MALRD1: variants seen among roughly 807,000 people sequenced by gnomAD.
MALRD1 encodes MAM and LDL receptor class A domain containing 1, also known as MAM and LDL-receptor class A domain-containing protein 1.
Under a neutral mutation model 242.1 loss-of-function variants are expected in MALRD1, and 247 were observed. The ratio of observed to expected loss-of-function variants is 1.02; its 90% CI spans 0.92 to 1.13. MALRD1 has a LOEUF of 1.13. Ranked by LOEUF, MALRD1 falls within the 50% of genes most tolerant of loss-of-function variation. The probability of loss-of-function intolerance (pLI) is 0.00; values close to 1 mark genes in which losing one functional copy is unlikely to be tolerated. For synonymous variants in MALRD1, 995 were observed against 866.6 expected, an observed-to-expected ratio of 1.15 and a Z score of -2.60; for missense variants, 2,989 against 2,533.1, an observed-to-expected ratio of 1.18 and a Z score of -3.86.
At chr10:19,224,374 C>T (rs1837695204) in intron 18 of MALRD1, among the ~76,000 whole-genome samples, 1 of 151,442 alleles carries the variant, frequency 6.6e-6, no homozygotes, top group African/African-American at 2.4e-5. Flanking sequence ...GCAACCTCCA[C>T]CTAATGGGTT....
intron 28 of MALRD1, among the ~76,000 whole-genome samples, chr10:19,395,113 G>A (rs1589016466): frequency 1.3e-5 from 2 of 152,192 alleles, no homozygotes; most frequent in African/African-American, 2.4e-5. Context: ...GCATAGTTTT[G>A]TTATATTGTA....
At chr10:19,243,951 A>T (rs950748623) in intron 18 of MALRD1, among the ~76,000 whole-genome samples, 6 of 152,166 alleles carry the variant, frequency 3.9e-5, no homozygotes, top group African/African-American at 1.4e-4. Context: ...TAAGGATTTG[A>T]GAAGGGAAAT....
intron 29 of MALRD1, among the ~76,000 whole-genome samples, chr10:19,490,516 G>GGA (rs1837441316): frequency 8.5e-6 from 1 of 117,616 alleles, no homozygotes. Flanking sequence ...CGGGGGGGGG[G>GGA]CAGGGTTATG....
chr10:19,497,183 A>G (rs1837757890), intron 30 of MALRD1, among the ~76,000 whole-genome samples: 1 of 152,030 alleles, frequency 6.6e-6, no homozygotes, highest in Non-Finnish European at 1.5e-5. Flanking sequence ...TCTAAAGAAC[A>G]CATGATGACT....
At chr10:19,239,693 G>C (rs1040253136) in intron 18 of MALRD1, among the ~76,000 whole-genome samples, 3 of 152,090 alleles carry the variant, frequency 2.0e-5, no homozygotes, top group African/African-American at 7.2e-5. Flanking sequence ...AAAGATAGGG[G>C]TCTAATTTCA....
chr10:19,289,915 A>G (rs1841324180), intron 21 of MALRD1, among the ~76,000 whole-genome samples: 2 of 152,170 alleles, frequency 1.3e-5, no homozygotes, highest in South Asian at 4.1e-4. Context: ...TCTTGGAGAC[A>G]AAGATTGCTT....
At chr10:19,059,705 T>G (rs528462796) in intron 1 of MALRD1, among the ~76,000 whole-genome samples, 1 of 152,262 alleles carries the variant, frequency 6.6e-6, no homozygotes, top group South Asian at 2.1e-4. Context: ...GCATCTATTT[T>G]TTTTTTATAA....
chr10:19,130,125 A>C (rs189049808), intron 8 of MALRD1, among the ~76,000 whole-genome samples: 8 of 152,148 alleles, frequency 5.3e-5, no homozygotes, highest in Admixed American at 2.0e-4. Context: ...CAATCTATTT[A>C]ATATATTTCA....
At chr10:19,397,871 T>A (rs1474498721) in intron 28 of MALRD1, among the ~76,000 whole-genome samples, 1 of 152,122 alleles carries the variant, frequency 6.6e-6, no homozygotes, top group East Asian at 1.9e-4. Context: ...GTGATATCCA[T>A]CATGGTTTTG....
At chr10:19,554,822 G>A (rs1047552660) in intron 32 of MALRD1, among the ~76,000 whole-genome samples, 4 of 152,040 alleles carry the variant, frequency 2.6e-5, no homozygotes, top group African/African-American at 9.7e-5. Flanking sequence ...GGGCATTTGG[G>A]TTGATTCCAT....
chr10:19,276,568 C>G (rs1840536854), intron 19 of MALRD1, among the ~76,000 whole-genome samples: 1 of 152,092 alleles, frequency 6.6e-6, no homozygotes, highest in African/African-American at 2.4e-5. Context: ...AATTTTTCAT[C>G]AAGGCTAGCG....
At chr10:19,501,178 G>T (rs925504742) in intron 31 of MALRD1, among the ~76,000 whole-genome samples, 1 of 152,144 alleles carries the variant, frequency 6.6e-6, no homozygotes, top group African/African-American at 2.4e-5. Flanking sequence ...AGGAAAGAAT[G>T]TTCCAGAGCT....
At position 19,477,091 on chromosome 10, in the gene MALRD1, G is replaced by A. The variant is rs907069947; in HGVS notation, c.5030-14426G>A. 3.3e-5 allele frequency among the ~76,000 whole-genome samples: 5 copies of A among 151,964 alleles called. No individual in the cohort carries two copies. In the East Asian group the frequency reaches 5.8e-4, roughly 18 times the overall value. Reference sequence around the variant, plus strand: ...TACATTCAGAGATGGGAATGCCTGCGGCTTGAAATGCACTACAAGAATACG... The same window carrying A: ...TACATTCAGAGATGGGAATGCCTGCAGCTTGAAATGCACTACAAGAATACG... On this transcript the variant is annotated intron_variant, in intron 29 of 39. Coordinates refer to ENST00000454679, the MANE Select transcript of MALRD1 (RefSeq NM_001142308.3).
chr10:19,502,279 G>A (rs1250441803), intron 31 of MALRD1, among the ~76,000 whole-genome samples: 1 of 151,778 alleles, frequency 6.6e-6, no homozygotes, highest in Non-Finnish European at 1.5e-5. Context: ...TAAATAAGCA[G>A]AAAAAACTTT....
chr10:19,668,237 C>T (rs575883917), intron 36 of MALRD1, among the ~76,000 whole-genome samples: 1 of 152,202 alleles, frequency 6.6e-6, no homozygotes, highest in East Asian at 1.9e-4. Flanking sequence ...CCTGGGACAC[C>T]AGCAGTCACT....
At chr10:19,522,702 T>C (rs990011532) in intron 31 of MALRD1, among the ~76,000 whole-genome samples, 1 of 152,178 alleles carries the variant, frequency 6.6e-6, no homozygotes, top group Non-Finnish European at 1.5e-5. Flanking sequence ...TGTAAATTAT[T>C]ATTATCCCCA....
chr10:19,117,498 A>G (rs903164053), intron 5 of MALRD1, among the ~76,000 whole-genome samples: 2 of 152,016 alleles, frequency 1.3e-5, no homozygotes, highest in Non-Finnish European at 2.9e-5. Context: ...AATATACAAC[A>G]TTTAACTGAA....
chr10:19,348,840 GAAAT>G (rs1332304595), intron 25 of MALRD1, among the ~76,000 whole-genome samples: 5 of 152,134 alleles, frequency 3.3e-5, no homozygotes, highest in African/African-American at 4.8e-5. Context: ...GATGGATACA[GAAAT>G]AAATACATTT....
At chr10:19,128,880 A>T (rs1837365166) in intron 8 of MALRD1, among the ~76,000 whole-genome samples, 1 of 152,136 alleles carries the variant, frequency 6.6e-6, no homozygotes, top group African/African-American at 2.4e-5. Context: ...CTCCTTGTCC[A>T]ATATGCTCGA....
Sources: allele counts gnomAD v4.1 joint callset (sites outside exome capture counted in the v4.1 genomes callset), GRCh38; gene constraint gnomAD v4.1.1; transcripts MANE v1.5; gene names NCBI Gene and HGNC (gene_info 2026-07-23, HGNC 2026-07-21).